TNFSF12: variants seen among roughly 807,000 people sequenced by gnomAD.
The protein encoded by TNFSF12 is TNF superfamily member 12.
In TNFSF12, 16 loss-of-function variants were observed where a neutral mutation model predicts 31.2. The ratio of observed to expected loss-of-function variants is 0.51; its 90% CI spans 0.35 to 0.78. The LOEUF (loss-of-function observed/expected upper bound fraction) is 0.78. Ranked by LOEUF, TNFSF12 falls within the 30% of genes least tolerant of loss-of-function variation. The pLI is 0.01. For missense variants in TNFSF12, 324 were observed against 338.8 expected, an observed-to-expected ratio of 0.96 and a Z score of 0.34; for synonymous variants, 150 against 151.4, an observed-to-expected ratio of 0.99 and a Z score of 0.07.
Position 7,557,208 on chromosome 17 carries a change from T to C in TNFSF12, c.608T>C (p.Leu203Pro), listed in dbSNP as rs758128043. The change falls in exon 7 of 7, where the codon CTC becomes CCC. Residue 203 changes from leucine to proline, a missense_variant. Coordinates refer to ENST00000293825, the MANE Select transcript of TNFSF12 (RefSeq NM_003809.3). This position sits in a 1 kb window ranked among gnomAD's most constrained non-coding sequence, Gnocchi z 5.2. ...TTCTCAGCCACTGCGGCGAGTTCCCTCGGGCCCCAGCTCCGCCTCTGCCAG... is the reference window on the plus strand; with the variant it reads ...TTCTCAGCCACTGCGGCGAGTTCCCCCGGGCCCCAGCTCCGCCTCTGCCAG... ...EEFSATAASS[L>P]GPQLRLCQVS... 19 of 1,612,152 alleles carry C rather than the reference T, an allele frequency of 1.2e-5. No individual in the cohort carries two copies. In the South Asian group the frequency reaches 1.8e-4, roughly 15 times the overall value.
chr17:7,553,023 C>CTTTCTTTTT lies in TNFSF12; in HGVS notation c.373+2048_373+2049insCTTTTTTTT, dbSNP rs1567721053. 2.9e-3 allele frequency among the ~76,000 whole-genome samples: 193 copies of CTTTCTTTTT among 66,100 alleles called. 24 individuals are homozygous for CTTTCTTTTT. Among genetic ancestry groups the CTTTCTTTTT allele is most frequent in the East Asian group, 4.4e-3 (11 of 2,510 alleles). The allele number at this position is 66,100 out of a possible 152,430, so 43.4% of individuals were successfully genotyped here. ...ATAAGGAACTGGAGGCAGGGACAAC[C>CTTTCTTTTT]TTTTTTTTTTTTTTTTTTTTTTTTT... On this transcript the variant is annotated intron_variant, in intron 5 of 6. Transcript: ENST00000293825.
Position 7,549,426 on chromosome 17 carries a change from A to C in TNFSF12, c.160-48A>C, listed in dbSNP as rs199535142. The C allele has an allele frequency of 1.4e-4, 207 of 1,450,964 alleles. 2 individuals carry two copies. In the African/African-American group the frequency reaches 2.2e-3, roughly 16 times the overall value. 89.9% of individuals were successfully genotyped at this position (1,450,964 alleles called of 1,614,324 possible). A position where few individuals can be genotyped will look rare whatever the true frequency, so the allele number is the denominator to read the frequency against. ...GGGAAGGGAGGATGGGTGGAGGGTGAGATGTCAGGTGGAGCGGCACAGGGT... is the reference window on the plus strand; with the variant it reads ...GGGAAGGGAGGATGGGTGGAGGGTGCGATGTCAGGTGGAGCGGCACAGGGT... On this transcript the variant is annotated intron_variant, in intron 1 of 6. Transcript: ENST00000293825. This position sits in a 1 kb window ranked among gnomAD's most constrained non-coding sequence, Gnocchi z 4.1.
At chr17:7,553,705 G>A in intron 5 of TNFSF12, 6 of 1,298,698 alleles carry the variant, frequency 4.6e-6, no homozygotes, top group Non-Finnish European at 6.1e-6. Context: ...GAGGTGGCTG[G>A]TGCAGGGGTG....
chr17:7,556,558 A>C (rs947719899), intron 5 of TNFSF12, among the ~76,000 whole-genome samples: 1 of 152,146 alleles, frequency 6.6e-6, no homozygotes, highest in Non-Finnish European at 1.5e-5. Context: ...GCAGGTGACA[A>C]TCTGCCCTGA....
chr17:7,551,123 C>T (rs1480792174), intron 5 of TNFSF12, 145 bp downstream of exon 5: 5 of 1,400,448 alleles, frequency 3.6e-6, no homozygotes, highest in Admixed American at 2.4e-5. Context: ...GTGACCCAGG[C>T]GTGGGACCCC....
intron 5 of TNFSF12, among the ~76,000 whole-genome samples, chr17:7,555,019 T>C (rs1229671984): frequency 6.6e-6 from 1 of 151,812 alleles, no homozygotes; most frequent in African/African-American, 2.4e-5. Context: ...TGGTGGCACA[T>C]GCCTGTAATC....
intron 5 of TNFSF12, among the ~76,000 whole-genome samples, chr17:7,554,143 C>T: frequency 6.6e-6 from 1 of 152,068 alleles, no homozygotes; most frequent in Non-Finnish European, 1.5e-5. Context: ...CTCTTCTCTG[C>T]CCTCCCTACT....
rs752698154 is a variant in TNFSF12, at chr17:7,550,991, C to T, written c.373+13C>T. The stretch of plus-strand genomic sequence containing the variant: ...GGAGCGCAGGCAGGTGAGACCCCAT[C>T]CCCCGACACAGCACTGGCCTCCTGG... On this transcript the variant is annotated intron_variant, in intron 5 of 6. Coordinates refer to ENST00000293825, the MANE Select transcript of TNFSF12 (RefSeq NM_003809.3). This position sits in a 1 kb window ranked among gnomAD's most constrained non-coding sequence, Gnocchi z 4.4. 4 of 1,613,306 alleles carry T rather than the reference C, an allele frequency of 2.5e-6. No homozygotes were observed. In the African/African-American group the frequency reaches 4.0e-5, roughly 16 times the overall value.
chr17:7,554,644 A>C (rs2071039475), intron 5 of TNFSF12, among the ~76,000 whole-genome samples: 1 of 135,624 alleles, frequency 7.4e-6, no homozygotes, highest in African/African-American at 2.8e-5. Context: ...TTTGAGATGG[A>C]GTTTTGCTCT....
At chr17:7,554,680 C>T (rs1335954385) in intron 5 of TNFSF12, among the ~76,000 whole-genome samples, 4 of 146,654 alleles carry the variant, frequency 2.7e-5, no homozygotes, top group Middle Eastern at 3.8e-3. Flanking sequence ...AGTGCAGTGG[C>T]GCCATCTCGG....
At chr17:7,553,383 A>G (rs1192641231) in intron 5 of TNFSF12, among the ~76,000 whole-genome samples, 6 of 152,250 alleles carry the variant, frequency 3.9e-5, no homozygotes, top group Non-Finnish European at 5.9e-5. Context: ...CTCTGTAACA[A>G]GGAGCAGAGA....
rs1386257756 is a variant in TNFSF12, at chr17:7,550,835, T to C, written c.320T>C (p.Ile107Thr). The change falls in exon 4 of 7, where the codon ATC becomes ACC. Residue 107 changes from isoleucine to threonine, a missense_variant. Transcript: ENST00000293825. This position sits in a 1 kb window ranked among gnomAD's most constrained non-coding sequence, Gnocchi z 4.4. The part of the protein sequence containing the change: ...KGRKTRARRA[I>T]AAHYEVHPRP... Reference sequence around the variant, plus strand: ...CGGAAAACACGGGCTCGAAGAGCGATCGCAGCCCATTATGAAGGTGGGTGA... The same window carrying C: ...CGGAAAACACGGGCTCGAAGAGCGACCGCAGCCCATTATGAAGGTGGGTGA... 1 of 1,612,546 alleles carries C rather than the reference T, an allele frequency of 6.2e-7. No homozygotes were observed. The highest frequency in any genetic ancestry group is 8.5e-7 in the Non-Finnish European group (1 of 1,178,826).
chr17:7,550,996 G>T lies in TNFSF12; in HGVS notation c.373+18G>T, dbSNP rs370242260. On this transcript the variant is annotated intron_variant, in intron 5 of 6. Transcript: ENST00000293825. The surrounding 1 kb of genome is among the most constrained non-coding windows in gnomAD (Gnocchi z 4.4). ...GCAGGCAGGTGAGACCCCATCCCCC[G>T]ACACAGCACTGGCCTCCTGGGAAAA... is the stretch of plus-strand genomic sequence containing the variant. The T allele has an allele frequency of 3.7e-6, 6 of 1,613,192 alleles. No homozygotes were observed. The highest frequency in any genetic ancestry group is 5.1e-6 in the Non-Finnish European group (6 of 1,179,966).
At chr17:7,555,987 T>TG (rs987545682) in intron 5 of TNFSF12, among the ~76,000 whole-genome samples, 1 of 131,000 alleles carries the variant, frequency 7.6e-6, no homozygotes, top group African/African-American at 2.7e-5. Flanking sequence ...TTTTTGTTTT[T>TG]TTTTTTTTTT....
intron 5 of TNFSF12, among the ~76,000 whole-genome samples, chr17:7,555,543 G>C (rs2071051557): frequency 6.6e-6 from 1 of 152,214 alleles, no homozygotes; most frequent in South Asian, 2.1e-4. Flanking sequence ...GGCGAGGCGG[G>C]CTTACGTCTG....
At chr17:7,551,072 A>G (rs1285973709) in intron 5 of TNFSF12, 94 bp downstream of exon 5, 3 of 1,590,412 alleles carry the variant, frequency 1.9e-6, no homozygotes, top group Non-Finnish European at 1.7e-6. Flanking sequence ...CATCAGTCTC[A>G]GAACCACAGA....
chr17:7,557,378 C>T lies in TNFSF12; in HGVS notation c.*28C>T, dbSNP rs1484860467. ...GGCCCTGGTCTCCCCGCAGTCGTCCCAGGCTGCCGGCTCCCCTCGACAGCT... is the reference window on the plus strand; with the variant it reads ...GGCCCTGGTCTCCCCGCAGTCGTCCTAGGCTGCCGGCTCCCCTCGACAGCT... On this transcript the variant is annotated 3_prime_UTR_variant, in exon 7 of 7. Coordinates refer to ENST00000293825, the MANE Select transcript of TNFSF12 (RefSeq NM_003809.3). This position sits in a 1 kb window ranked among gnomAD's most constrained non-coding sequence, Gnocchi z 5.2. The T allele has an allele frequency of 6.5e-7, 1 of 1,550,198 alleles. No individual in the cohort carries two copies. The highest frequency in any genetic ancestry group is 1.4e-5 in the African/African-American group (1 of 73,584).
At position 7,549,300 on chromosome 17, in the gene TNFSF12, G is replaced by A. The variant is rs1036232885; in HGVS notation, c.147G>A (p.Ser49=). The A allele has an allele frequency of 2.6e-5, 36 of 1,392,234 alleles. No individual in the cohort carries two copies. Among genetic ancestry groups the A allele is most frequent in the Non-Finnish European group, 3.4e-5 (36 of 1,073,832 alleles). 86.2% of individuals were successfully genotyped at this position (1,392,234 alleles called of 1,614,324 possible). Residue 49 remains serine (S), a synonymous_variant, in exon 1 of 7, where the codon TCG becomes TCA. Transcript: ENST00000293825. The surrounding 1 kb of genome is among the most constrained non-coding windows in gnomAD (Gnocchi z 4.1). Reference sequence around the variant, plus strand: ...TGGTCAGTTTGGGGAGCCGGGCATCGCTGTCCGCCCAGGTGAGGCCCCGCT... The same window carrying A: ...TGGTCAGTTTGGGGAGCCGGGCATCACTGTCCGCCCAGGTGAGGCCCCGCT... ...LAVVSLGSRA[S]LSAQEPAQEE... is the part of the protein sequence containing the mutation.
intron 5 of TNFSF12, among the ~76,000 whole-genome samples, chr17:7,555,654 G>C (rs954794520): frequency 6.6e-6 from 1 of 152,144 alleles, no homozygotes; most frequent in East Asian, 1.9e-4. Context: ...GGCACCAGAT[G>C]GGGGAGAGAG....
Sources: allele counts gnomAD v4.1 joint callset (sites outside exome capture counted in the v4.1 genomes callset), GRCh38; gene constraint gnomAD v4.1.1; non-coding constraint Gnocchi (gnomAD v3.1); transcripts MANE v1.5; gene names NCBI Gene and HGNC (gene_info 2026-07-23, HGNC 2026-07-21).